DLGAP4: variants seen among roughly 807,000 people sequenced by gnomAD.
DLGAP4 encodes disks large-associated protein 4.
In DLGAP4, 18 loss-of-function variants were observed where a neutral mutation model predicts 86.9. The ratio of observed to expected loss-of-function variants is 0.21; its 90% CI spans 0.14 to 0.31. The LOEUF is 0.31. Ranked by LOEUF, DLGAP4 falls within the 10% of genes least tolerant of loss-of-function variation. The pLI, the probability that DLGAP4 is intolerant of heterozygous loss-of-function variation, is 1.00. For synonymous variants in DLGAP4, 548 were observed against 574.3 expected, an observed-to-expected ratio of 0.95 and a Z score of 0.65; for missense variants, 1,085 against 1,362.6, an observed-to-expected ratio of 0.80 and a Z score of 3.21.
intron 12 of DLGAP4, 24 bp from the exon 13 acceptor site, chr20:36,526,789 T>C (rs1233305042): frequency 6.4e-7 from 1 of 1,552,444 alleles, no homozygotes; most frequent in African/African-American, 1.4e-5. Context: ...TTATTTTTGT[T>C]CTCTCCTCAC....
intron 7 of DLGAP4, chr20:36,462,206 C>T (rs936400084): frequency 9.0e-7 from 1 of 1,109,950 alleles, no homozygotes; most frequent in Non-Finnish European, 1.1e-6. Context: ...CTTGGGACCC[C>T]CCAATATGTC....
chr20:36,471,495 A>AAAATAAAT (rs552350361), intron 7 of DLGAP4, among the ~76,000 whole-genome samples: 2 of 152,102 alleles, frequency 1.3e-5, no homozygotes, highest in Non-Finnish European at 2.9e-5. Context: ...CTCCATCTCA[A>AAAATAAAT]AAATAAATAA....
intron 1 of DLGAP4, among the ~76,000 whole-genome samples, chr20:36,312,075 C>G (rs2065058162): frequency 6.6e-6 from 1 of 152,188 alleles, no homozygotes; most frequent in South Asian, 2.1e-4. Flanking sequence ...ACACCTCCCC[C>G]AGCCCCGCCA....
chr20:36,440,468 G>A (rs1253651600), intron 5 of DLGAP4, among the ~76,000 whole-genome samples: 1 of 152,206 alleles, frequency 6.6e-6, no homozygotes, highest in Non-Finnish European at 1.5e-5. Flanking sequence ...GCCTGTGTCA[G>A]TGAGGAGCAT....
At chr20:36,462,245 T>G (rs1248852978) in intron 7 of DLGAP4, 1 of 1,224,732 alleles carries the variant, frequency 8.2e-7, no homozygotes, top group African/African-American at 1.6e-5. Flanking sequence ...GGAGCTCCTC[T>G]CTGCTTTCCC....
chr20:36,332,445 A>T (rs2065278936), intron 1 of DLGAP4, among the ~76,000 whole-genome samples: 1 of 151,898 alleles, frequency 6.6e-6, no homozygotes, highest in Non-Finnish European at 1.5e-5. Context: ...GTTGGAGTGC[A>T]GTGGCACGAT....
In DLGAP4 at chr20:36,500,397, C is replaced by A; in HGVS notation, c.2298C>A (p.Asp766Glu). The change falls in exon 10 of 13, where the codon GAC becomes GAA. Residue 766 changes from aspartate (D) to glutamate (E), a missense_variant. Transcript: ENST00000339266. The surrounding 1 kb of genome is among the most constrained non-coding windows in gnomAD (Gnocchi z 4.6). ...TCAAGCGCAACCTCTCCTATGGAGA[C>A]AACAGCGACCCTGCCCTAGAGGCGT... ...AQIKRNLSYG[D>E]NSDPALEASS... The A allele has an allele frequency of 6.3e-7, 1 of 1,596,838 alleles. No homozygotes were observed. Among genetic ancestry groups the A allele is most frequent in the Non-Finnish European group, 8.5e-7 (1 of 1,171,272 alleles).
At chr20:36,405,637 G>C (rs1350339951) in intron 2 of DLGAP4, among the ~76,000 whole-genome samples, 1 of 152,114 alleles carries the variant, frequency 6.6e-6, no homozygotes, top group East Asian at 1.9e-4. Flanking sequence ...GGACTGGTTG[G>C]GCCAGAGCTG....
intron 1 of DLGAP4, among the ~76,000 whole-genome samples, chr20:36,351,878 G>A (rs1377308156): frequency 2.6e-5 from 4 of 152,186 alleles, no homozygotes; most frequent in East Asian, 1.9e-4. Context: ...CCTGGAGCTC[G>A]CTTTAGAAAT....
chr20:36,457,010 G>A (rs918033327), intron 7 of DLGAP4, among the ~76,000 whole-genome samples: 7 of 152,178 alleles, frequency 4.6e-5, no homozygotes, highest in Admixed American at 3.9e-4. Context: ...TACCATCAGT[G>A]AGCAAAATGG....
At chr20:36,316,728 C>T (rs1450465191) in intron 1 of DLGAP4, among the ~76,000 whole-genome samples, 1 of 151,844 alleles carries the variant, frequency 6.6e-6, no homozygotes, top group East Asian at 1.9e-4. Flanking sequence ...GCAGTGCTCC[C>T]AAGCACCCCC....
intron 7 of DLGAP4, chr20:36,473,075 G>C (rs142551726): frequency 6.6e-6 from 1 of 152,250 alleles, no homozygotes; most frequent in Non-Finnish European, 1.5e-5. Flanking sequence ...CCATCCTTCC[G>C]GGGCAGAGCT....
intron 7 of DLGAP4, among the ~76,000 whole-genome samples, chr20:36,493,880 A>C (rs559691261): frequency 6.6e-6 from 1 of 152,364 alleles, no homozygotes; most frequent in African/African-American, 2.4e-5. Flanking sequence ...GCTGCTGAGC[A>C]CAGCTTAGTA....
intron 10 of DLGAP4, among the ~76,000 whole-genome samples, chr20:36,520,811 G>A (rs981583957): frequency 2.6e-5 from 4 of 151,048 alleles, no homozygotes; most frequent in Non-Finnish European, 4.4e-5. Context: ...AGGTCATGGA[G>A]ATTTGGTCTT....
intron 7 of DLGAP4, among the ~76,000 whole-genome samples, chr20:36,469,759 A>G (rs2034577410): frequency 6.6e-6 from 1 of 151,812 alleles, no homozygotes; most frequent in Admixed American, 6.6e-5. Context: ...TCTCAAAAAA[A>G]AAAAAAAAAA....
rs2033140010 is a variant in DLGAP4 at position 36,431,873 on chromosome 20, G to A, written c.156G>A (p.Leu52=). 6.2e-7 allele frequency: 1 copy of A among 1,614,098 alleles called. No homozygotes were observed. The change falls in exon 3 of 13, where the codon CTG becomes CTA. Residue 52 remains leucine (L), a synonymous_variant. Transcript: ENST00000339266. The surrounding 1 kb of genome is among the most constrained non-coding windows in gnomAD (Gnocchi z 5.1). ...REARFPGQNT[L]PGDGLFPLNN... ...CCCGCTTCCCCGGGCAGAACACCCT[G>A]CCAGGAGATGGCCTCTTTCCCCTCA...
chr20:36,509,695 AG>A (rs1301080296), intron 10 of DLGAP4, among the ~76,000 whole-genome samples: 3 of 152,074 alleles, frequency 2.0e-5, no homozygotes, highest in African/African-American at 7.2e-5. Context: ...GGCTATAGTG[AG>A]GTATGATTGT....
intron 4 of DLGAP4, among the ~76,000 whole-genome samples, chr20:36,438,313 G>T (rs2147557096): frequency 6.6e-6 from 1 of 151,862 alleles, no homozygotes; most frequent in African/African-American, 2.4e-5. Flanking sequence ...GGCAGAGGTT[G>T]CAGGGAGCTG....
intron 7 of DLGAP4, among the ~76,000 whole-genome samples, chr20:36,455,156 C>T (rs1341502256): frequency 1.3e-5 from 2 of 152,112 alleles, no homozygotes; most frequent in African/African-American, 2.4e-5. Context: ...TCCTCCCTCC[C>T]TCCTCTTACT....
Sources: gnomAD v4.1 joint callset for allele counts (sites outside exome capture counted in the v4.1 genomes callset) on GRCh38, gnomAD v4.1.1 for gene constraint, Gnocchi (gnomAD v3.1) non-coding constraint, MANE v1.5 for transcripts, NCBI Gene and HGNC (gene_info 2026-07-23, HGNC 2026-07-21) for gene names.